Variants in UQCC1 observed in about 807,000 individuals in gnomAD.
The protein encoded by UQCC1 is ubiquinol-cytochrome c reductase complex assembly factor 1.
In UQCC1, 38 loss-of-function variants were observed where a neutral mutation model predicts 48.0. The observed-to-expected ratio is 0.79, with a 90% CI of 0.61 to 1.04. The LOEUF is 1.04. Among genes scored for constraint, UQCC1 ranks in the 50% least tolerant of loss-of-function variants. UQCC1 has a pLI of 0.00. For synonymous variants in UQCC1, 111 were observed against 129.2 expected (o/e 0.86, Z 0.95); for missense variants, 368 against 381.8 (o/e 0.96, Z 0.30).
At chr20:35,369,559 T>C (rs532701149) in intron 5 of UQCC1, among the ~76,000 whole-genome samples, 1 of 152,320 alleles carries the variant, frequency 6.6e-6, no homozygotes, top group Non-Finnish European at 1.5e-5. Context: ...ACATTTAATG[T>C]GGGGTCAGAC....
chr20:35,374,852 G>T (rs6088807), intron 4 of UQCC1, among the ~76,000 whole-genome samples: 2 of 151,644 alleles, frequency 1.3e-5, no homozygotes, highest in African/African-American at 4.8e-5. Flanking sequence ...CAAAGCACTA[G>T]GAATTCTCTT....
intron 2 of UQCC1, among the ~76,000 whole-genome samples, chr20:35,388,422 C>G (rs546826511): frequency 1.3e-5 from 2 of 151,210 alleles, no homozygotes; most frequent in African/African-American, 4.9e-5. Flanking sequence ...CTCCTGAGTA[C>G]CTGGGAACAC....
chr20:35,361,420 ACCTAT>A (rs1158257149), intron 6 of UQCC1, among the ~76,000 whole-genome samples: 1 of 151,928 alleles, frequency 6.6e-6, no homozygotes, highest in Non-Finnish European at 1.5e-5. Flanking sequence ...CTCTCATTGC[ACCTAT>A]CACAGTTGTA....
At position 35,382,450 on chromosome 20, in the gene UQCC1, T is replaced by G. The variant is rs765326351; in HGVS notation, c.226-425A>C. On this transcript the variant is annotated intron_variant, in intron 3 of 9. Coordinates refer to ENST00000374385, the MANE Select transcript of UQCC1 (RefSeq NM_018244.5). ...GCCACCATGCTTGGGCTGAGGGCAT[T>G]TTTATTGCTTAGATTTTTGTTTTCA... 1.3e-4 allele frequency among the ~76,000 whole-genome samples: 19 copies of G among 151,894 alleles called. 1 individual carries two copies. Among genetic ancestry groups the G allele is most frequent in the Non-Finnish European group, 2.4e-4 (16 of 67,966 alleles).
chr20:35,366,631 A>C lies in UQCC1; in HGVS notation c.407-17T>G. On this transcript the variant is annotated splice_polypyrimidine_tract_variant and intron_variant, in intron 5 of 9. Coordinates refer to ENST00000374385, the MANE Select transcript of UQCC1 (RefSeq NM_018244.5). ...TCTGACACCCTAGAAAATAACAATA[A>C]GGTATAAGTATGTGAGGGTTTAAAG... 6.2e-7 allele frequency: 1 copy of C among 1,607,596 alleles called. No homozygotes were observed. Among genetic ancestry groups the C allele is most frequent in the Non-Finnish European group, 8.5e-7 (1 of 1,174,306 alleles).
intron 8 of UQCC1, among the ~76,000 whole-genome samples, chr20:35,314,195 C>T (rs2061029381): frequency 1.3e-5 from 2 of 152,130 alleles, no homozygotes; most frequent in Admixed American, 6.5e-5. Flanking sequence ...AACTCCTGAC[C>T]TCAAGTGATC....
intron 7 of UQCC1, among the ~76,000 whole-genome samples, chr20:35,342,660 T>C (rs2146376373): frequency 6.6e-6 from 1 of 152,298 alleles, no homozygotes; most frequent in East Asian, 1.9e-4. Context: ...CAAGGAAAAA[T>C]GGTCTCCAAG....
chr20:35,368,245 T>C (rs1568686290), intron 5 of UQCC1, among the ~76,000 whole-genome samples: 1 of 152,082 alleles, frequency 6.6e-6, no homozygotes, highest in African/African-American at 2.4e-5. Context: ...TGAGGTACAT[T>C]AACAGCACCA....
intron 9 of UQCC1, 174 bp downstream of exon 9, chr20:35,306,492 T>C (rs1401969630): frequency 1.7e-6 from 1 of 586,556 alleles, no homozygotes; most frequent in Non-Finnish European, 3.1e-6. Context: ...CCTGGCCCAG[T>C]TCATGGTTGG....
intron 1 of UQCC1, among the ~76,000 whole-genome samples, chr20:35,394,703 G>A (rs2062054039): frequency 6.6e-6 from 1 of 152,132 alleles, no homozygotes; most frequent in East Asian, 1.9e-4. Flanking sequence ...GGGGCAAGGG[G>A]TCTCCATACC....
chr20:35,410,725 C>CAAAAAAAAAAAAAAAAAA (rs1427834637), intron 1 of UQCC1, among the ~76,000 whole-genome samples: 1 of 22,360 alleles, frequency 4.5e-5, no homozygotes, highest in Non-Finnish European at 8.0e-5. Flanking sequence ...AAAAAAAAAA[C>CAAAAAAAAAAAAAAAAAA]AAAACCCTAA....
chr20:35,384,966 CAAAAAAAAAAAAAAAAAA>C, intron 2 of UQCC1, among the ~76,000 whole-genome samples: 1 of 69,748 alleles, frequency 1.4e-5, no homozygotes. Flanking sequence ...GAATCGGTCT[CAAAAAAAAAAAAAAAAAA>C]AAAAAAAAAG....
intron 6 of UQCC1, among the ~76,000 whole-genome samples, chr20:35,364,796 G>GACTACCAAGGTATTGACC (rs1249480963): frequency 6.6e-6 from 1 of 152,174 alleles, no homozygotes. Context: ...GTCAGGTATT[G>GACTACCAAGGTATTGACC]ACCTTGGGAT....
intron 5 of UQCC1, among the ~76,000 whole-genome samples, chr20:35,367,081 G>A (rs1205262906): frequency 1.5e-5 from 2 of 130,118 alleles, no homozygotes; most frequent in African/African-American, 5.5e-5. Flanking sequence ...GCAATAGAGT[G>A]AGACTCTGTC....
chr20:35,350,979 T>C (rs1304578696), intron 6 of UQCC1, among the ~76,000 whole-genome samples: 1 of 150,826 alleles, frequency 6.6e-6, no homozygotes, highest in Non-Finnish European at 1.5e-5. Context: ...GGGGTGGAGG[T>C]TGCAGTGGGC....
At chr20:35,393,541 A>C (rs899806147) in intron 2 of UQCC1, among the ~76,000 whole-genome samples, 1 of 151,268 alleles carries the variant, frequency 6.6e-6, no homozygotes, top group Non-Finnish European at 1.5e-5. Context: ...CACAGGCTGA[A>C]AAAGAACCAG....
At chr20:35,365,713 T>G (rs189044960) in intron 6 of UQCC1, among the ~76,000 whole-genome samples, 1 of 145,380 alleles carries the variant, frequency 6.9e-6, no homozygotes, top group Admixed American at 6.8e-5. Context: ...TAAGCCAAAC[T>G]CAGTGTAACT....
intron 3 of UQCC1, among the ~76,000 whole-genome samples, chr20:35,382,667 G>A (rs1383055165): frequency 4.0e-5 from 6 of 151,210 alleles, no homozygotes; most frequent in Admixed American, 1.3e-4. Flanking sequence ...CCACCACCAC[G>A]CCCGGCTAAT....
At position 35,318,045 on chromosome 20, in the gene UQCC1, C is replaced by T. The variant is rs539637641; in HGVS notation, c.574-3280G>A. 2.0e-5 allele frequency among the ~76,000 whole-genome samples: 3 copies of T among 152,358 alleles called. No individual in the cohort carries two copies. The South Asian group carries it at 6.2e-4, about 32-fold the overall frequency. The stretch of plus-strand genomic sequence containing the variant: ...TACTTGGAGGATCTCCCTACTCCCA[C>T]ATGAGTTGTTCTCCTAATTGTGTTA... On this transcript the variant is annotated intron_variant, in intron 7 of 9. Transcript: ENST00000374385.
Sources: gnomAD v4.1 joint callset for allele counts (sites outside exome capture counted in the v4.1 genomes callset) on GRCh38, gnomAD v4.1.1 for gene constraint, MANE v1.5 for transcripts, NCBI Gene and HGNC (gene_info 2026-07-23, HGNC 2026-07-21) for gene names.